NKIRAS1: variants seen among roughly 807,000 people sequenced by gnomAD.
NKIRAS1 encodes the protein NFKB inhibitor interacting Ras like 1, also known as NF-kappa-B inhibitor-interacting Ras-like protein 1.
A neutral mutation model predicts 19.8 loss-of-function variants in NKIRAS1; 16 were observed. The observed-to-expected ratio is 0.81, with a 90% CI of 0.55 to 1.23. The LOEUF is 1.23. NKIRAS1 is among the 50% of genes most tolerant of loss of function. The probability of loss-of-function intolerance (pLI) is 0.00; values close to 1 mark genes in which losing one functional copy is unlikely to be tolerated. For synonymous variants in NKIRAS1, 88 were observed against 79.0 expected (o/e 1.11, Z -0.61); for missense variants, 184 against 220.0 (o/e 0.84, Z 1.04).
chr3:23,892,189 A>G lies in NKIRAS1; in HGVS notation c.*906T>C, dbSNP rs1475802395. On this transcript the variant is annotated 3_prime_UTR_variant, in exon 5 of 5. Transcript: ENST00000425478. ...AGCTTACTTCCTACCTTTTAAATTAATAAAGTTACAGTCAGCCACATTGCT... is the reference window on the plus strand; with the variant it reads ...AGCTTACTTCCTACCTTTTAAATTAGTAAAGTTACAGTCAGCCACATTGCT... 1 of 152,212 alleles carries G rather than the reference A, an allele frequency of 6.6e-6. No individual in the cohort carries two copies. Among genetic ancestry groups the G allele is most frequent in the Non-Finnish European group, 1.5e-5 (1 of 68,030 alleles). 9.4% of individuals were successfully genotyped at this position (152,212 alleles called of 1,614,324 possible). A position where few individuals can be genotyped will look rare whatever the true frequency, so the allele number is the denominator to read the frequency against.
chr3:23,901,103 C>T (rs1399133556), intron 3 of NKIRAS1, 54 bp from the exon 4 acceptor site: 9 of 1,579,078 alleles, frequency 5.7e-6, no homozygotes, highest in African/African-American at 2.7e-5. Context: ...TCAACTGCTC[C>T]GTATTTTCTT....
chr3:23,893,563 T>C (rs1176772457), intron 4 of NKIRAS1, among the ~76,000 whole-genome samples: 3 of 152,104 alleles, frequency 2.0e-5, no homozygotes, highest in Admixed American at 1.3e-4. Flanking sequence ...TCCCAGCACT[T>C]TGGGAGGCCG....
At chr3:23,918,047 C>T (rs1265487667), upstream of NKIRAS1, 2 of 1,597,314 alleles carry the variant, frequency 1.3e-6, no homozygotes, top group Non-Finnish European at 8.5e-7. Context: ...TGATCGACTG[C>T]GTGGATGCTT....
intron 1 of NKIRAS1, among the ~76,000 whole-genome samples, chr3:23,913,922 G>C (rs1374868409): frequency 2.0e-5 from 3 of 152,266 alleles, no homozygotes; most frequent in Admixed American, 2.0e-4. Context: ...TGCTTATCCA[G>C]AGAATACATC....
upstream of NKIRAS1, chr3:23,920,628 A>T: frequency 1.0e-6 from 1 of 984,846 alleles, no homozygotes; most frequent in Non-Finnish European, 1.2e-6. Context: ...GACTTTGCTG[A>T]CTTAATTTAA....
chr3:23,901,632 G>A (rs971854760), intron 3 of NKIRAS1, among the ~76,000 whole-genome samples: 1 of 152,106 alleles, frequency 6.6e-6, no homozygotes, highest in Non-Finnish European at 1.5e-5. Flanking sequence ...TTAAGTGAAA[G>A]GAACCATTCT....
intron 1 of NKIRAS1, among the ~76,000 whole-genome samples, chr3:23,944,490 C>A (rs1433837850): frequency 6.6e-6 from 1 of 152,198 alleles, no homozygotes; most frequent in Non-Finnish European, 1.5e-5. Context: ...CCTCAGAATT[C>A]ACCTCAGCAC....
upstream of NKIRAS1, chr3:23,920,220 A>T: frequency 5.1e-6 from 5 of 985,826 alleles, no homozygotes; most frequent in Non-Finnish European, 6.0e-6. Flanking sequence ...AAAATACTTA[A>T]CCGTAATGCT....
intron 1 of NKIRAS1, among the ~76,000 whole-genome samples, chr3:23,938,290 G>T (rs1175585424): frequency 6.7e-6 from 1 of 149,854 alleles, no homozygotes; most frequent in Non-Finnish European, 1.5e-5. Context: ...ACTCACTGCA[G>T]CCTCTATCTC....
At chr3:23,941,347 A>C (rs55824572) in intron 1 of NKIRAS1, among the ~76,000 whole-genome samples, 8,236 of 152,114 alleles carry the variant, frequency 0.054, 277 homozygotes, top group African/African-American at 0.085. Flanking sequence ...TCCTTTATTC[A>C]TATCTAGATG....
At position 23,892,747 on chromosome 3, in the gene NKIRAS1, ATCT is replaced by A. The variant is rs977131872; in HGVS notation, c.*345_*347del. 1 of 163,680 alleles carries A rather than the reference ATCT, an allele frequency of 6.1e-6. No homozygotes were observed. Among genetic ancestry groups the A allele is most frequent in the African/African-American group, 2.4e-5 (1 of 41,938 alleles). 10.1% of individuals were successfully genotyped at this position (163,680 alleles called of 1,614,324 possible). On this transcript the variant is annotated 3_prime_UTR_variant, in exon 5 of 5. Coordinates refer to ENST00000425478, the MANE Select transcript of NKIRAS1 (RefSeq NM_020345.4). ...TAATGTTACACAGAATGATTATGAT[ATCT>A]TCCGAAACAGCTTGGGGTTGGGGGG...
intron 1 of NKIRAS1, among the ~76,000 whole-genome samples, chr3:23,914,135 G>C (rs1422833112): frequency 1.3e-5 from 2 of 149,220 alleles, no homozygotes; most frequent in African/African-American, 2.5e-5. Context: ...AACATTGCTA[G>C]AGAATAAATA....
intron 1 of NKIRAS1, 55 bp downstream of exon 1, chr3:23,916,729 G>GACGCGGAT (rs1245178811): frequency 6.6e-6 from 1 of 152,524 alleles, no homozygotes; most frequent in Admixed American, 6.5e-5. Context: ...GCAGCGCGGA[G>GACGCGGAT]ACGCGGAGAC....
rs371000148 is a variant in NKIRAS1, at chr3:23,891,302, AC to A, written c.*1792del. On this transcript the variant is annotated 3_prime_UTR_variant, in exon 5 of 5. Transcript: ENST00000425478. ...ACTGTGCTAATAAACAATATTAAAA[AC>A]CACCTAATAAACACTGCTGTGTTCA... 1.3e-5 allele frequency: 2 copies of A among 152,096 alleles called. No homozygotes were observed. The highest frequency in any genetic ancestry group is 4.8e-5 in the African/African-American group (2 of 41,406). 9.4% of individuals were successfully genotyped at this position (152,096 alleles called of 1,614,324 possible).
rs1202427190 is a variant in NKIRAS1, at chr3:23,892,825, T to A, written c.*270A>T. On this transcript the variant is annotated 3_prime_UTR_variant, in exon 5 of 5. Coordinates refer to ENST00000425478, the MANE Select transcript of NKIRAS1 (RefSeq NM_020345.4). ...TAACTATCCAAACTATTTTACTGTT[T>A]TCACAAGTACAACATAAATAACAAA... 1 of 245,418 alleles carries A rather than the reference T, an allele frequency of 4.1e-6. No homozygotes were observed. The highest frequency in any genetic ancestry group is 2.2e-5 in the African/African-American group (1 of 44,900). The allele number at this position is 245,418 out of a possible 1,614,324, so 15.2% of individuals were successfully genotyped here. A position where few individuals can be genotyped will look rare whatever the true frequency, so the allele number is the denominator to read the frequency against.
intron 1 of NKIRAS1, chr3:23,945,997 T>C: frequency 1.6e-6 from 1 of 613,540 alleles, no homozygotes; most frequent in Non-Finnish European, 2.0e-6. Context: ...CTGACCCACA[T>C]TCCCCGGGGC....
intron 4 of NKIRAS1, among the ~76,000 whole-genome samples, chr3:23,899,209 G>A (rs1702263882): frequency 6.6e-6 from 1 of 152,182 alleles, no homozygotes; most frequent in South Asian, 2.1e-4. Context: ...CTATAAAAGA[G>A]TAACATGAAG....
rs1705327150 is a variant in NKIRAS1 at position 23,932,035 on chromosome 3, ACTACAGG to A, written c.-140+14281_-140+14287del. Among the ~76,000 whole-genome samples the A allele has an allele frequency of 5.9e-5, 9 of 152,316 alleles. No homozygotes were observed. In the South Asian group the frequency reaches 1.9e-3, roughly 32 times the overall value. On this transcript the variant is annotated intron_variant, in intron 1 of 4. Coordinates refer to the NKIRAS1 transcript ENST00000421515. ...AGCTATACTACCCCAAAACCAACTG[ACTACAGG>A]CGATTAGAAAGGAGTGTGGCTTGAA... is the stretch of plus-strand genomic sequence containing the variant.
chr3:23,935,637 A>G (rs1285160878), intron 1 of NKIRAS1, among the ~76,000 whole-genome samples: 1 of 152,076 alleles, frequency 6.6e-6, no homozygotes, highest in Non-Finnish European at 1.5e-5. Context: ...TGTTACCCAG[A>G]CTGGTCTGGA....
Sources: gnomAD v4.1 joint callset for allele counts (sites outside exome capture counted in the v4.1 genomes callset) on GRCh38, gnomAD v4.1.1 for gene constraint, MANE v1.5 for transcripts, NCBI Gene and HGNC (gene_info 2026-07-23, HGNC 2026-07-21) for gene names.